Variants in LRRC37B observed in about 807,000 individuals in gnomAD.
LRRC37B encodes leucine rich repeat containing 37B, also known as leucine-rich repeat-containing protein 37B.
LRRC37B carries 28 observed loss-of-function variants against 98.3 expected under a neutral mutation model. That is an observed-to-expected ratio of 0.28 (90% CI 0.21 to 0.39). The LOEUF is 0.39. Ranked by LOEUF, LRRC37B falls within the 10% of genes least tolerant of loss-of-function variation. LRRC37B has a pLI of 1.00. For synonymous variants in LRRC37B, 364 were observed against 442.7 expected (o/e 0.82, Z 2.23); for missense variants, 938 against 1,182.7 (o/e 0.79, Z 3.03).
At chr17:32,036,811 C>A (rs1005473319) in intron 7 of LRRC37B, among the ~76,000 whole-genome samples, 1 of 151,946 alleles carries the variant, frequency 6.6e-6, no homozygotes, top group African/African-American at 2.4e-5. Context: ...TTGTGTGAAC[C>A]AATGTTTTCA....
chr17:32,021,069 G>C, exon 1 of LRRC37B: 1 of 1,612,022 alleles, frequency 6.2e-7, no homozygotes, highest in Non-Finnish European at 8.5e-7. Context: ...ACAGGGCATG[G>C]CACACGCTTA....
intron 8 of LRRC37B, chr17:32,047,075 C>T (rs1282590587): frequency 6.5e-6 from 1 of 153,974 alleles, no homozygotes; most frequent in East Asian, 1.9e-4. Flanking sequence ...AATTAAAAAT[C>T]TCTTAACCTA....
At chr17:32,038,863 A>C (rs1488932593) in intron 7 of LRRC37B, among the ~76,000 whole-genome samples, 1 of 152,246 alleles carries the variant, frequency 6.6e-6, no homozygotes, top group Non-Finnish European at 1.5e-5. Context: ...GTCTCAAAAA[A>C]ATAAAGAAAG....
At chr17:32,035,358 C>A (rs978870586) in intron 6 of LRRC37B, among the ~76,000 whole-genome samples, 2 of 152,042 alleles carry the variant, frequency 1.3e-5, no homozygotes, top group African/African-American at 4.8e-5. Context: ...AGTGTAAGTT[C>A]TCTTAAATAT....
intron 1 of LRRC37B, among the ~76,000 whole-genome samples, chr17:32,009,244 T>A (rs1910476502): frequency 6.6e-6 from 1 of 152,062 alleles, no homozygotes; most frequent in African/African-American, 2.4e-5. Flanking sequence ...TGTATATCAT[T>A]GTTTCTGGAA....
At chr17:32,025,647 C>T (rs1003584903) in intron 2 of LRRC37B, among the ~76,000 whole-genome samples, 2 of 152,216 alleles carry the variant, frequency 1.3e-5, no homozygotes, top group African/African-American at 2.4e-5. Flanking sequence ...TCACCCCATT[C>T]ATTTAAACTC....
At chr17:32,024,491 G>T (rs1910887276) in intron 1 of LRRC37B, 2 of 968,494 alleles carry the variant, frequency 2.1e-6, no homozygotes, top group East Asian at 2.4e-5. Flanking sequence ...GGGATGGATA[G>T]GAAGTTAAGC....
chr17:32,013,102 C>T (rs1910572441), intron 1 of LRRC37B, among the ~76,000 whole-genome samples: 1 of 151,930 alleles, frequency 6.6e-6, no homozygotes, highest in Non-Finnish European at 1.5e-5. Flanking sequence ...CTGTTTTTGA[C>T]TAGTGTTAGA....
intron 7 of LRRC37B, among the ~76,000 whole-genome samples, chr17:32,036,976 ATTTTTTTTTTTT>A (rs71360793): frequency 1.9e-4 from 10 of 51,702 alleles, no homozygotes; most frequent in Middle Eastern, 0.018. Flanking sequence ...CATCTTCAGC[ATTTTTTTTTTTT>A]TTTTTTTTTT....
rs1421256450 is a variant in LRRC37B at position 32,027,675 on chromosome 17, T to C, written c.1833-94T>C. The C allele has an allele frequency of 3.6e-6, 4 of 1,123,620 alleles. No homozygotes were observed. In the African/African-American group the frequency reaches 4.6e-5, roughly 13 times the overall value. 69.6% of individuals were successfully genotyped at this position (1,123,620 alleles called of 1,614,324 possible). Reference sequence around the variant, plus strand: ...AGATCCCACCATCTTGAAATGACCATGACCCAGCTTTCCTCCACATGCAGG... The same window carrying C: ...AGATCCCACCATCTTGAAATGACCACGACCCAGCTTTCCTCCACATGCAGG... On this transcript the variant is annotated intron_variant, in intron 2 of 11. Transcript: ENST00000327564.
At chr17:32,021,606 T>A in exon 1 of LRRC37B, 1 of 1,614,192 alleles carries the variant, frequency 6.2e-7, no homozygotes, top group Non-Finnish European at 8.5e-7. Flanking sequence ...TCGCCTCAAG[T>A]GGGTTCAAAC....
chr17:32,052,661 T>G (rs1911790855), intron 11 of LRRC37B: 1 of 152,268 alleles, frequency 6.6e-6, no homozygotes, highest in Non-Finnish European at 1.5e-5. Context: ...ATACAATATC[T>G]ATACATTTTA....
intron 5 of LRRC37B, 150 bp downstream of exon 8, chr17:32,031,608 C>T: frequency 8.6e-7 from 1 of 1,161,724 alleles, no homozygotes; most frequent in South Asian, 1.6e-5. Flanking sequence ...AACTAAGGTA[C>T]AAAGCAGCCA....
At chr17:32,009,700 T>C (rs1910485965) in intron 1 of LRRC37B, among the ~76,000 whole-genome samples, 1 of 152,140 alleles carries the variant, frequency 6.6e-6, no homozygotes, top group Non-Finnish European at 1.5e-5. Context: ...TGGCATGATC[T>C]TGGCTCACTG....
At chr17:32,041,272 C>A (rs779742322) in intron 7 of LRRC37B, 16 of 763,462 alleles carry the variant, frequency 2.1e-5, no homozygotes, top group Non-Finnish European at 3.6e-5. Flanking sequence ...CCCAAGATTG[C>A]AGCTTCATCC....
At chr17:32,042,170 C>T (rs1911459089) in intron 7 of LRRC37B, 1 of 290,330 alleles carries the variant, frequency 3.4e-6, no homozygotes, top group Non-Finnish European at 6.8e-6. Context: ...ATCTGCCCCA[C>T]CTTCCCCCCC....
At chr17:32,033,405 G>C (rs1911163265) in intron 5 of LRRC37B, among the ~76,000 whole-genome samples, 1 of 151,912 alleles carries the variant, frequency 6.6e-6, no homozygotes, top group Admixed American at 6.6e-5. Context: ...GAGAAAGAAA[G>C]AAAGAAAGAA....
At chr17:32,050,607 GGT>G (rs1911726003) in intron 11 of LRRC37B, 1 of 151,916 alleles carries the variant, frequency 6.6e-6, no homozygotes, top group African/African-American at 2.4e-5. Context: ...TGTCTAAATA[GGT>G]CCAGTTAAAG....
chr17:32,013,552 G>A (rs2142235730), intron 1 of LRRC37B, among the ~76,000 whole-genome samples: 1 of 151,828 alleles, frequency 6.6e-6, no homozygotes, highest in East Asian at 1.9e-4. Context: ...TTATTAAATG[G>A]CTTTTGGTCA....
Sources: gnomAD v4.1 joint callset for allele counts (sites outside exome capture counted in the v4.1 genomes callset) on GRCh38, gnomAD v4.1.1 for gene constraint, MANE v1.5 for transcripts, NCBI Gene and HGNC (gene_info 2026-07-23, HGNC 2026-07-21) for gene names.